The following CDC42BPA variants were observed in gnomAD, a reference collection of about 807,000 sequenced individuals.
The protein encoded by CDC42BPA is serine/threonine-protein kinase MRCK alpha.
In CDC42BPA, 80 loss-of-function variants were observed where a neutral mutation model predicts 223.5. That is an observed-to-expected ratio of 0.36 (90% CI 0.30 to 0.43). CDC42BPA has a LOEUF of 0.43. Ranked by LOEUF, CDC42BPA falls within the 20% of genes least tolerant of loss-of-function variation. The pLI, the probability that CDC42BPA is intolerant of heterozygous loss-of-function variation, is 1.00. For synonymous variants in CDC42BPA, 694 were observed against 718.6 expected, an observed-to-expected ratio of 0.97 and a Z score of 0.55; for missense variants, 1,743 against 2,099.9, an observed-to-expected ratio of 0.83 and a Z score of 3.32.
intron 2 of CDC42BPA, among the ~76,000 whole-genome samples, chr1:227,248,362 T>A (rs1182301571): frequency 6.6e-6 from 1 of 150,956 alleles, no homozygotes; most frequent in South Asian, 2.1e-4. Flanking sequence ...ACCTAAAGAC[T>A]CCACACACAC....
chr1:227,134,276 T>C (rs1349141985), intron 10 of CDC42BPA, among the ~76,000 whole-genome samples: 3 of 152,196 alleles, frequency 2.0e-5, no homozygotes, highest in Non-Finnish European at 4.4e-5. Context: ...AGGCCCTCTA[T>C]CTTGGATAAT....
rs1174827155 is a variant in CDC42BPA, at chr1:227,033,413, T to A, written c.3479A>T (p.Asp1160Val). Residue 1160 changes from aspartate to valine, a missense_variant and splice_region_variant, in exon 27 of 37, where the codon GAT becomes GTT. By Grantham distance (152) the Asp-to-Val change is radical. This residue lies in a region of CDC42BPA where 678 missense variants were observed against 777.5 expected (regional missense o/e 0.87). Transcript: ENST00000366766. ...VVISQVIDMRDEEFSVSSVLA... is the reference protein window; with the variant it reads ...VVISQVIDMRVEEFSVSSVLA... ...GACTGAACTCACAGAAAATTCTTCA[T>A]CCCTGAACGAAAAGCAAAGCATTAA... 6.2e-7 allele frequency: 1 copy of A among 1,611,738 alleles called. No individual in the cohort carries two copies. The highest frequency in any genetic ancestry group is 1.1e-5 in the South Asian group (1 of 91,008).
In CDC42BPA at chr1:227,072,136, G is replaced by C. The variant is rs183926065; in HGVS notation, c.2827+72C>G. 19 of 847,132 alleles carry C rather than the reference G, an allele frequency of 2.2e-5. No homozygotes were observed. In the African/African-American group the frequency reaches 3.0e-4, roughly 13 times the overall value. 52.5% of individuals were successfully genotyped at this position (847,132 alleles called of 1,614,324 possible). On this transcript the variant is annotated intron_variant, in intron 20 of 36. Transcript: ENST00000366766. ...AATTCTCCCACCTATGCAATGAATT[G>C]ATTCTTCTGTAATAAAATATATTTA... is the stretch of plus-strand genomic sequence containing the variant.
intron 14 of CDC42BPA, among the ~76,000 whole-genome samples, chr1:227,105,993 T>C (rs1685858109): frequency 6.6e-6 from 1 of 152,210 alleles, no homozygotes; most frequent in Non-Finnish European, 1.5e-5. Context: ...GTAGTTCTGT[T>C]TGACTTTTTG....
intron 16 of CDC42BPA, among the ~76,000 whole-genome samples, chr1:227,087,223 A>C (rs1682147169): frequency 2.0e-5 from 3 of 151,590 alleles, no homozygotes; most frequent in Admixed American, 6.6e-5. Context: ...ACTTTGAGTT[A>C]ATTTTTGTAT....
chr1:227,304,361 A>C (rs1410504881), intron 1 of CDC42BPA, among the ~76,000 whole-genome samples: 1 of 151,980 alleles, frequency 6.6e-6, no homozygotes, highest in Non-Finnish European at 1.5e-5. Flanking sequence ...AGCCCAGATC[A>C]CACCACTGCA....
At chr1:227,092,374 T>C (rs1002771189) in intron 15 of CDC42BPA, among the ~76,000 whole-genome samples, 1 of 152,164 alleles carries the variant, frequency 6.6e-6, no homozygotes, top group Non-Finnish European at 1.5e-5. Flanking sequence ...TATATGGCAA[T>C]GCAAAAAGTA....
At chr1:227,051,812 GT>G in intron 22 of CDC42BPA, 68 bp downstream of exon 22, 2 of 870,272 alleles carry the variant, frequency 2.3e-6, no homozygotes, top group South Asian at 2.6e-5. Flanking sequence ...AGACAGACTT[GT>G]TTTATTCAAT....
intron 2 of CDC42BPA, among the ~76,000 whole-genome samples, chr1:227,224,955 G>A (rs930412374): frequency 2.6e-5 from 4 of 152,138 alleles, no homozygotes; most frequent in African/African-American, 9.7e-5. Context: ...TAGGTACTGG[G>A]AAACTGCAAT....
intron 1 of CDC42BPA, among the ~76,000 whole-genome samples, chr1:227,267,646 A>C (rs1685222212): frequency 6.6e-6 from 1 of 152,230 alleles, no homozygotes; most frequent in African/African-American, 2.4e-5. Flanking sequence ...TTACAGTTCC[A>C]CATGGCTGGG....
intron 2 of CDC42BPA, among the ~76,000 whole-genome samples, chr1:227,223,632 C>T (rs540533773): frequency 2.0e-5 from 3 of 152,286 alleles, no homozygotes; most frequent in Non-Finnish European, 2.9e-5. Context: ...TAGCACCTCC[C>T]TTTGTCCCCT....
intron 5 of CDC42BPA, among the ~76,000 whole-genome samples, chr1:227,180,128 C>T (rs771584463): frequency 5.3e-5 from 8 of 152,094 alleles, no homozygotes; most frequent in African/African-American, 1.2e-4. Context: ...CTCGCTTGAA[C>T]GCAGGAGGCA....
intron 3 of CDC42BPA, among the ~76,000 whole-genome samples, chr1:227,207,363 TTTTC>T (rs1457409908): frequency 1.3e-5 from 2 of 149,644 alleles, no homozygotes; most frequent in African/African-American, 2.5e-5. Context: ...TTTTTTTTCT[TTTTC>T]TTTTTTTTTT....
intron 1 of CDC42BPA, among the ~76,000 whole-genome samples, chr1:227,273,641 A>G (rs1686364385): frequency 6.6e-6 from 1 of 152,064 alleles, no homozygotes; most frequent in South Asian, 2.1e-4. Flanking sequence ...TAAGGAAAAG[A>G]ATGATGCCAG....
rs1203276770 is a variant in CDC42BPA at position 227,139,567 on chromosome 1, T to C, written c.1390+9A>G. ...TCAAAAAGTGAAAATATATTTAAAA[T>C]ATATTTACCTTGAAGTTTTCTACTG... is the stretch of plus-strand genomic sequence containing the variant. On this transcript the variant is annotated intron_variant, in intron 10 of 36. Coordinates refer to ENST00000366766, the MANE Select transcript of CDC42BPA (RefSeq NM_001394014.1). 15 of 1,503,946 alleles carry C rather than the reference T, an allele frequency of 1.0e-5. No homozygotes were observed. The highest frequency in any genetic ancestry group is 1.3e-5 in the South Asian group (1 of 77,956). 93.2% of individuals were successfully genotyped at this position (1,503,946 alleles called of 1,614,324 possible). A position where few individuals can be genotyped will look rare whatever the true frequency, so the allele number is the denominator to read the frequency against.
At chr1:227,099,824 C>G (rs1055900860) in intron 15 of CDC42BPA, among the ~76,000 whole-genome samples, 1 of 152,088 alleles carries the variant, frequency 6.6e-6, no homozygotes, top group African/African-American at 2.4e-5. Flanking sequence ...TATAATTTAA[C>G]CCTCCCTTGA....
At chr1:227,026,034 C>G in intron 31 of CDC42BPA, 21 bp downstream of exon 31, 1 of 1,361,148 alleles carries the variant, frequency 7.3e-7, no homozygotes, top group Non-Finnish European at 1.0e-6. Flanking sequence ...TGGCTTAGCC[C>G]ACATTTTAAT....
intron 33 of CDC42BPA, among the ~76,000 whole-genome samples, chr1:227,016,681 A>T (rs1666334086): frequency 1.3e-5 from 2 of 152,192 alleles, no homozygotes; most frequent in Non-Finnish European, 2.9e-5. Context: ...TGACTATTCC[A>T]TATACATAGA....
intron 14 of CDC42BPA, chr1:227,112,099 A>G (rs977988340): frequency 2.6e-6 from 1 of 382,274 alleles, no homozygotes; most frequent in Non-Finnish European, 4.6e-6. Context: ...TGATAGATTC[A>G]TATTTCCCAC....
Sources: gnomAD v4.1 joint callset for allele counts (sites outside exome capture counted in the v4.1 genomes callset) on GRCh38, gnomAD v4.1.1 for gene constraint, gnomAD v4.1.1 regional missense constraint, MANE v1.5 for transcripts, NCBI Gene and HGNC (gene_info 2026-07-23, HGNC 2026-07-21) for gene names.